The following CRYGC variants were observed in gnomAD, a reference collection of about 807,000 sequenced individuals.
CRYGC encodes crystallin gamma C, also known as gamma-crystallin C.
In CRYGC, 14 loss-of-function variants were observed where a neutral mutation model predicts 21.9. That is an observed-to-expected ratio of 0.64 (90% CI 0.42 to 1.00). The LOEUF (loss-of-function observed/expected upper bound fraction) is 1.00, where lower values mean the gene tolerates loss of function less well. Ranked by LOEUF, CRYGC falls within the 50% of genes least tolerant of loss-of-function variation. CRYGC has a pLI of 0.00. For missense variants in CRYGC, 235 were observed against 234.2 expected (o/e 1.00, Z -0.02); for synonymous variants, 96 against 89.8 (o/e 1.07, Z -0.39).
rs770680995 is a variant in CRYGC at position 208,128,289 on chromosome 2, T to G, written c.439A>C (p.Arg147=). The G allele has an allele frequency of 5.6e-6, 9 of 1,614,208 alleles. No individual in the cohort carries two copies. Among genetic ancestry groups the G allele is most frequent in the Non-Finnish European group, 7.6e-6 (9 of 1,180,018 alleles). Reference sequence around the variant, plus strand: ...TGGCACCGCCTGTACTCTTGGGGCCTCAGCAGGTATTGCCGCCCCCGGTAG... The same window carrying G: ...TGGCACCGCCTGTACTCTTGGGGCCGCAGCAGGTATTGCCGCCCCCGGTAG... ...PNYRGRQYLL[R]PQEYRRCQDW... is the part of the protein sequence containing the mutation. The change falls in exon 3 of 3, where the codon AGG becomes CGG. Residue 147 remains arginine, a synonymous_variant. Transcript: ENST00000282141.
At chr2:208,128,782 C>T (rs1439610404) in intron 2 of CRYGC, among the ~76,000 whole-genome samples, 2 of 152,114 alleles carry the variant, frequency 1.3e-5, no homozygotes, top group Non-Finnish European at 2.9e-5. Context: ...TCCTAATTAC[C>T]TGTGTTAATT....
chr2:208,128,914 C>T (rs1173265948), intron 2 of CRYGC, among the ~76,000 whole-genome samples: 1 of 152,130 alleles, frequency 6.6e-6, no homozygotes, highest in Non-Finnish European at 1.5e-5. Flanking sequence ...TTTAAAAAAT[C>T]TTGTACTTCA....
At position 208,128,476 on chromosome 2, in the gene CRYGC, C is replaced by T; in HGVS notation, c.253-1G>A. The T allele has an allele frequency of 6.2e-7, 1 of 1,614,164 alleles. No homozygotes were observed. The highest frequency in any genetic ancestry group is 8.5e-7 in the Non-Finnish European group (1 of 1,180,036). The stretch of plus-strand genomic sequence containing the variant: ...ACAGCCGCAGCCTGTGGGAGACTGT[C>T]TACTCGGTCCACAGAAAGAAGGATG... On this transcript the variant is annotated splice_acceptor_variant, in intron 2 of 2. Coordinates refer to ENST00000282141, the MANE Select transcript of CRYGC (RefSeq NM_020989.4). LOFTEE classifies it high-confidence loss of function.
chr2:208,129,678 G>T lies in CRYGC; in HGVS notation c.15C>A (p.Thr5=). The T allele has an allele frequency of 6.2e-7, 1 of 1,614,198 alleles. No homozygotes were observed. Among genetic ancestry groups the T allele is most frequent in the Non-Finnish European group, 8.5e-7 (1 of 1,180,036 alleles). The part of the protein sequence containing the change: MGKI[T]FYEDRAFQGR... ...CCTGGAAGGCCCTGTCCTCATAGAAGGTGATCTGCAAAGGAAGAATCGTTC... is the reference window on the plus strand; with the variant it reads ...CCTGGAAGGCCCTGTCCTCATAGAATGTGATCTGCAAAGGAAGAATCGTTC... Residue 5 remains threonine, a synonymous_variant, in exon 2 of 3, where the codon ACC becomes ACA. Coordinates refer to ENST00000282141, the MANE Select transcript of CRYGC (RefSeq NM_020989.4).
rs1200829641 is a variant in CRYGC, at chr2:208,128,158, T to C, written c.*45A>G. 1.2e-6 allele frequency: 2 copies of C among 1,612,998 alleles called. No homozygotes were observed. Among genetic ancestry groups the C allele is most frequent in the East Asian group, 2.2e-5 (1 of 44,882 alleles). ...GCAATTGCCAGCAATGCAGACTAAA[T>C]ATTTATTAGGTTCCAAAATGGGAAA... On this transcript the variant is annotated 3_prime_UTR_variant, in exon 3 of 3. Transcript: ENST00000282141.
chr2:208,128,171 C>T lies in CRYGC; in HGVS notation c.*32G>A, dbSNP rs372085976. 5 of 1,614,082 alleles carry T rather than the reference C, an allele frequency of 3.1e-6. No individual in the cohort carries two copies. Among genetic ancestry groups the T allele is most frequent in the African/African-American group, 1.3e-5 (1 of 75,068 alleles). On this transcript the variant is annotated 3_prime_UTR_variant, in exon 3 of 3. Transcript: ENST00000282141. ...ATGCAGACTAAATATTTATTAGGTT[C>T]CAAAATGGGAAATTGGTAGTGTTAA...
Position 208,129,193 on chromosome 2 carries a change from C to T in CRYGC, c.252+248G>A, listed in dbSNP as rs544256226. Among the ~76,000 whole-genome samples the T allele has an allele frequency of 2.0e-5, 3 of 152,318 alleles. No homozygotes were observed. In the East Asian group the frequency reaches 5.8e-4, roughly 29 times the overall value. ...TGTTTTATATCCCATTATGATATTACATTTGTTACAGACCTCTTTTAATTG... is the reference window on the plus strand; with the variant it reads ...TGTTTTATATCCCATTATGATATTATATTTGTTACAGACCTCTTTTAATTG... On this transcript the variant is annotated intron_variant, in intron 2 of 2. Coordinates refer to ENST00000282141, the MANE Select transcript of CRYGC (RefSeq NM_020989.4).
intron 2 of CRYGC, among the ~76,000 whole-genome samples, chr2:208,129,047 G>A (rs943653561): frequency 1.3e-5 from 2 of 152,124 alleles, no homozygotes; most frequent in South Asian, 4.1e-4. Flanking sequence ...AGCTTTGAAG[G>A]TTTACTAGTC....
Position 208,129,456 on chromosome 2 carries a change from A to T in CRYGC, c.237T>A (p.Cys79Ter), listed in dbSNP as rs545258723. 7.4e-6 allele frequency: 12 copies of T among 1,613,360 alleles called. No homozygotes were observed. The Admixed American group carries it at 1.8e-4, about 25-fold the overall frequency. ...WMGLSDSIRS[C>*]CLIPQTVSHR... ...GAAAACTCACTTGGGGGATGAGACA[A>T]CAGGAGCGGATGGAGTCGCTGAGGC... The change falls in exon 2 of 3, where the codon TGT (cysteine) becomes TGA (stop). Residue 79 changes from cysteine to a stop codon, truncating the protein, a stop_gained. Coordinates refer to ENST00000282141, the MANE Select transcript of CRYGC (RefSeq NM_020989.4). LOFTEE classifies it high-confidence loss of function.
chr2:208,128,200 A>G lies in CRYGC; in HGVS notation c.*3T>C. 6.2e-7 allele frequency: 1 copy of G among 1,614,248 alleles called. No individual in the cohort carries two copies. ...AATGGGAAATTGGTAGTGTTAAGCT[A>G]TTTTAATACAAATCCACCACTCTCC... On this transcript the variant is annotated 3_prime_UTR_variant, in exon 3 of 3. Coordinates refer to ENST00000282141, the MANE Select transcript of CRYGC (RefSeq NM_020989.4).
In CRYGC at chr2:208,129,623, G is replaced by C; in HGVS notation, c.70C>G (p.Pro24Ala). 6.2e-7 allele frequency: 1 copy of C among 1,614,256 alleles called. No individual in the cohort carries two copies. Among genetic ancestry groups the C allele is most frequent in the Non-Finnish European group, 8.5e-7 (1 of 1,180,036 alleles). Residue 24 changes from proline (P) to alanine (A), a missense_variant, in exon 2 of 3, where the codon CCC (proline) becomes GCC (alanine). By Grantham distance (27) the Pro-to-Ala change is conservative. Transcript: ENST00000282141. ...GRSYETTTDCPNLQPYFSRCN... is the reference protein window; with the variant it reads ...GRSYETTTDCANLQPYFSRCN... ...CGGCTGAAATACGGCTGCAGGTTGG[G>C]GCAGTCAGTGGTGGTTTCGTAGCTG...
intron 2 of CRYGC, 50 bp from the exon 3 acceptor site, chr2:208,128,525 C>G: frequency 3.1e-6 from 5 of 1,609,480 alleles, no homozygotes; most frequent in Non-Finnish European, 4.3e-6. Context: ...GAGTCTCTTC[C>G]AGAATTTGTC....
rs746609116 is a variant in CRYGC, at chr2:208,129,464, G to A, written c.229C>T (p.Arg77Cys). The A allele has an allele frequency of 1.5e-5, 24 of 1,613,580 alleles. No individual in the cohort carries two copies. In the East Asian group the frequency reaches 2.9e-4, roughly 19 times the overall value. Residue 77 changes from arginine to cysteine, a missense_variant, in exon 2 of 3, where the codon CGC becomes TGC. By Grantham distance (180) the Arg-to-Cys change is radical. Transcript: ENST00000282141. ...ACTTGGGGGATGAGACAACAGGAGC[G>A]GATGGAGTCGCTGAGGCCCATCCAT... Reference protein sequence around the residue: ...QQWMGLSDSIRSCCLIPQTVS... With the variant: ...QQWMGLSDSICSCCLIPQTVS...
Position 208,128,456 on chromosome 2 carries a change from C to T in CRYGC, c.272G>A (p.Arg91Gln), listed in dbSNP as rs368884426. 184 of 1,614,034 alleles carry T rather than the reference C, an allele frequency of 1.1e-4. No homozygotes were observed. Among genetic ancestry groups the T allele is most frequent in the Non-Finnish European group, 1.5e-4 (178 of 1,180,034 alleles). The change falls in exon 3 of 3, where the codon CGG (arginine) becomes CAG (glutamine). Residue 91 changes from arginine to glutamine, a missense_variant. Physicochemically the swap from Arg to Gln is conservative, Grantham distance 43. Transcript: ENST00000282141. Reference protein sequence around the residue: ...LIPQTVSHRLRLYEREDHKGL... With the variant: ...LIPQTVSHRLQLYEREDHKGL... The stretch of plus-strand genomic sequence containing the variant: ...TTTGTGGTCTTCCCTCTCGTACAGC[C>T]GCAGCCTGTGGGAGACTGTCTACTC...
At chr2:208,128,581 C>A in intron 2 of CRYGC, 106 bp from the exon 3 acceptor site, 1 of 1,363,634 alleles carries the variant, frequency 7.3e-7, no homozygotes, top group Non-Finnish European at 1.0e-6. Flanking sequence ...ATGGAATTGT[C>A]ATTGTAAAAT....
At chr2:208,128,619 T>A (rs1695037746) in intron 2 of CRYGC, 144 bp from the exon 3 acceptor site, 5 of 967,368 alleles carry the variant, frequency 5.2e-6, no homozygotes, top group Non-Finnish European at 6.4e-6. Flanking sequence ...TAGATTACTG[T>A]GGTTGCTGCG....
Position 208,129,661 on chromosome 2 carries a change from G to A in CRYGC, c.32C>T (p.Ala11Val). The change falls in exon 2 of 3, where the codon GCC (alanine) becomes GTC (valine). Residue 11 changes from alanine (A) to valine (V), a missense_variant. Ala to Val is a moderately conservative substitution (Grantham distance 64). Coordinates refer to ENST00000282141, the MANE Select transcript of CRYGC (RefSeq NM_020989.4). ...GGTTTCGTAGCTGCGGCCCTGGAAG[G>A]CCCTGTCCTCATAGAAGGTGATCTG... MGKITFYEDR[A>V]FQGRSYETTT... The A allele has an allele frequency of 1.2e-6, 2 of 1,614,246 alleles. No homozygotes were observed. The highest frequency in any genetic ancestry group is 1.3e-5 in the African/African-American group (1 of 75,066).
chr2:208,128,617 T>G, intron 2 of CRYGC, 142 bp from the exon 3 acceptor site: 1 of 974,980 alleles, frequency 1.0e-6, no homozygotes, highest in Non-Finnish European at 1.6e-6. Flanking sequence ...TGTAGATTAC[T>G]GTGGTTGCTG....
chr2:208,128,593 T>G, intron 2 of CRYGC, 118 bp from the exon 3 acceptor site: 1 of 1,236,550 alleles, frequency 8.1e-7, no homozygotes, highest in Non-Finnish European at 1.2e-6. Context: ...TTGTAAAATT[T>G]AGACAGTGTA....
Sources: gnomAD v4.1 joint callset for allele counts (sites outside exome capture counted in the v4.1 genomes callset) on GRCh38, gnomAD v4.1.1 for gene constraint, MANE v1.5 for transcripts, NCBI Gene and HGNC (gene_info 2026-07-23, HGNC 2026-07-21) for gene names.